Variants in SRFBP1 observed in about 807,000 individuals in gnomAD.
The protein encoded by SRFBP1 is serum response factor-binding protein 1.
SRFBP1 carries 47 observed loss-of-function variants against 45.5 expected under a neutral mutation model. That is an observed-to-expected ratio of 1.03 (90% CI 0.82 to 1.32). The LOEUF (loss-of-function observed/expected upper bound fraction) is 1.32, where lower values mean the gene tolerates loss of function less well. SRFBP1 is among the 40% of genes most tolerant of loss of function. SRFBP1 has a pLI of 0.00. For missense variants in SRFBP1, 621 were observed against 484.6 expected (o/e 1.28, Z -2.64); for synonymous variants, 203 against 166.3 (o/e 1.22, Z -1.70).
rs777969346 is a variant in SRFBP1 at position 121,974,241 on chromosome 5, A to G, written c.82A>G (p.Ile28Val). The change falls in exon 2 of 8, where the codon ATC becomes GTC. Residue 28 changes from isoleucine (I) to valine (V), a missense_variant. By Grantham distance (29) the Ile-to-Val change is conservative (BLOSUM62 3). Coordinates refer to ENST00000339397, the MANE Select transcript of SRFBP1 (RefSeq NM_152546.3). Reference sequence around the variant, plus strand: ...AGTGAAGAGAATTCGAGTTTTAGTTATCCGAAAACTTGTCAGGAGTGTTGG... The same window carrying G: ...AGTGAAGAGAATTCGAGTTTTAGTTGTCCGAAAACTTGTCAGGAGTGTTGG... ...KEVKRIRVLVIRKLVRSVGRL... is the reference protein window; with the variant it reads ...KEVKRIRVLVVRKLVRSVGRL... The G allele has an allele frequency of 6.2e-7, 1 of 1,611,638 alleles. No individual in the cohort carries two copies. Among genetic ancestry groups the G allele is most frequent in the Non-Finnish European group, 8.5e-7 (1 of 1,178,240 alleles).
intron 4 of SRFBP1, among the ~76,000 whole-genome samples, chr5:121,997,956 C>G (rs1215511559): frequency 1.3e-5 from 2 of 150,722 alleles, no homozygotes; most frequent in Non-Finnish European, 3.0e-5. Context: ...CAAATCAAAA[C>G]CACTATGAGA....
chr5:121,963,208 C>T (rs1299130214), intron 1 of SRFBP1, among the ~76,000 whole-genome samples: 1 of 152,134 alleles, frequency 6.6e-6, no homozygotes, highest in Non-Finnish European at 1.5e-5. Flanking sequence ...CTGATGGGAA[C>T]TTGTGAGATG....
chr5:122,047,532 TC>T (rs1264394051), intron 2 of SRFBP1, among the ~76,000 whole-genome samples: 1 of 152,216 alleles, frequency 6.6e-6, no homozygotes, highest in Non-Finnish European at 1.5e-5. Flanking sequence ...CAATGCGGGC[TC>T]TTTTTTGGTT....
chr5:121,999,567 G>A (rs1390482411), intron 4 of SRFBP1, among the ~76,000 whole-genome samples: 1 of 151,834 alleles, frequency 6.6e-6, no homozygotes, highest in Non-Finnish European at 1.5e-5. Context: ...ATGTCAGTTT[G>A]CCTATTTGAT....
chr5:121,969,572 G>T (rs564667457), intron 1 of SRFBP1, among the ~76,000 whole-genome samples: 1 of 152,052 alleles, frequency 6.6e-6, no homozygotes, highest in East Asian at 1.9e-4. Context: ...TACTGTCTAT[G>T]CAAGAGATGC....
At chr5:121,982,511 A>G (rs1327313238) in intron 3 of SRFBP1, among the ~76,000 whole-genome samples, 6 of 151,948 alleles carry the variant, frequency 3.9e-5, no homozygotes, top group Non-Finnish European at 7.4e-5. Flanking sequence ...TATAAAGTCT[A>G]TGATTGCCTT....
chr5:122,047,998 C>A (rs931195636), intron 2 of SRFBP1, among the ~76,000 whole-genome samples: 6 of 152,112 alleles, frequency 3.9e-5, no homozygotes, highest in African/African-American at 1.4e-4. Flanking sequence ...CAAACAGGGA[C>A]AATTTGACTT....
chr5:121,966,198 C>T (rs949984376), intron 1 of SRFBP1, among the ~76,000 whole-genome samples: 7 of 152,142 alleles, frequency 4.6e-5, no homozygotes, highest in African/African-American at 1.7e-4. Context: ...TGCCTGATTA[C>T]CCCGGCCAGA....
chr5:122,075,250 T>C (rs1040262014), intron 2 of SRFBP1: 15 of 619,712 alleles, frequency 2.4e-5, no homozygotes, highest in African/African-American at 9.2e-5. Flanking sequence ...TTGTAGTAGA[T>C]GGGTTATGTG....
intron 2 of SRFBP1, among the ~76,000 whole-genome samples, chr5:122,067,669 A>C (rs1651697310): frequency 6.6e-6 from 1 of 152,124 alleles, no homozygotes; most frequent in South Asian, 2.1e-4. Context: ...ATCTGGCTCA[A>C]CTTACTTTTC....
chr5:122,008,372 G>A (rs780125974), intron 4 of SRFBP1, among the ~76,000 whole-genome samples: 27 of 152,060 alleles, frequency 1.8e-4, no homozygotes, highest in Non-Finnish European at 3.1e-4. Flanking sequence ...GCCTGGAGTC[G>A]GGGCCTGTGA....
chr5:121,967,581 C>T (rs77826682), intron 1 of SRFBP1, among the ~76,000 whole-genome samples: 6,735 of 152,176 alleles, frequency 0.044, 173 homozygotes, highest in African/African-American at 0.06. Flanking sequence ...CTCTATAATC[C>T]CAGCACTTTG....
chr5:122,005,522 C>T (rs940808375), intron 4 of SRFBP1, among the ~76,000 whole-genome samples: 1 of 152,018 alleles, frequency 6.6e-6, no homozygotes, highest in Non-Finnish European at 1.5e-5. Context: ...GTCTATGAGT[C>T]CTTACAGATA....
intron 4 of SRFBP1, among the ~76,000 whole-genome samples, chr5:122,001,919 C>T (rs1358445334): frequency 6.6e-6 from 1 of 152,114 alleles, no homozygotes; most frequent in Non-Finnish European, 1.5e-5. Flanking sequence ...AAGAGATAAT[C>T]TTAACCACAG....
intron 1 of SRFBP1, among the ~76,000 whole-genome samples, chr5:121,971,142 AG>A (rs2112814848): frequency 6.6e-6 from 1 of 152,152 alleles, no homozygotes; most frequent in Admixed American, 6.6e-5. Context: ...ACCGTTAAAG[AG>A]AGTTACTTAA....
chr5:122,000,945 A>T (rs1189659920), intron 4 of SRFBP1, among the ~76,000 whole-genome samples: 2 of 152,240 alleles, frequency 1.3e-5, no homozygotes, highest in Middle Eastern at 3.4e-3. Context: ...ATACATTATC[A>T]TTCTCTCTGC....
At chr5:122,036,850 AAAC>A (rs939819042) in intron 2 of SRFBP1, among the ~76,000 whole-genome samples, 1 of 151,506 alleles carries the variant, frequency 6.6e-6, no homozygotes, top group African/African-American at 2.4e-5. Context: ...AATCTGTGAT[AAAC>A]GATGAGTATG....
chr5:121,974,173 A>C (rs374964492), intron 1 of SRFBP1, 23 bp from the exon 2 acceptor site: 20 of 1,565,076 alleles, frequency 1.3e-5, no homozygotes, highest in African/African-American at 2.7e-5. Context: ...CCTTTCTTCT[A>C]ATTATTGCTT....
chr5:122,006,490 CTTTG>C (rs202128132), intron 4 of SRFBP1, among the ~76,000 whole-genome samples: 4,155 of 152,138 alleles, frequency 0.027, 197 homozygotes, highest in African/African-American at 0.095. Context: ...CATTCTGCCC[CTTTG>C]TTTTTCTCTT....
Sources: allele counts gnomAD v4.1 joint callset (sites outside exome capture counted in the v4.1 genomes callset), GRCh38; gene constraint gnomAD v4.1.1; transcripts MANE v1.5; gene names NCBI Gene and HGNC (gene_info 2026-07-23, HGNC 2026-07-21).